RGS6: variants seen among roughly 807,000 people sequenced by gnomAD.
RGS6 encodes regulator of G protein signaling 6.
A neutral mutation model predicts 78.5 loss-of-function variants in RGS6; 30 were observed. The observed-to-expected ratio is 0.38, with a 90% CI of 0.29 to 0.52. The LOEUF is 0.52. Ranked by LOEUF, RGS6 falls within the 20% of genes least tolerant of loss-of-function variation. The pLI is 0.85. For missense variants in RGS6, 495 were observed against 609.7 expected (o/e 0.81, Z 1.98); for synonymous variants, 206 against 206.0 (o/e 1.00, Z 0.00).
chr14:72,257,459 C>G (rs1033706917), intron 2 of RGS6, among the ~76,000 whole-genome samples: 1 of 152,054 alleles, frequency 6.6e-6, no homozygotes, highest in Non-Finnish European at 1.5e-5. Flanking sequence ...TTGGGTTTCT[C>G]TAAGTATAAG....
chr14:72,198,799 A>G (rs1433401548), intron 2 of RGS6, among the ~76,000 whole-genome samples: 1 of 152,268 alleles, frequency 6.6e-6, no homozygotes, highest in Non-Finnish European at 1.5e-5. Flanking sequence ...ACAAATGACC[A>G]GTGTGGTAGA....
intron 2 of RGS6, among the ~76,000 whole-genome samples, chr14:72,342,573 A>T (rs542778455): frequency 6.6e-6 from 1 of 150,562 alleles, no homozygotes; most frequent in Non-Finnish European, 1.5e-5. Context: ...CTTAAAAAAA[A>T]AAAAAAACTA....
At chr14:71,969,697 A>G (rs1218911539) in intron 2 of RGS6, among the ~76,000 whole-genome samples, 1 of 152,224 alleles carries the variant, frequency 6.6e-6, no homozygotes, top group Non-Finnish European at 1.5e-5. Flanking sequence ...CATGTAAAGT[A>G]GAAAGAATTA....
At chr14:71,969,195 G>A (rs1327643629) in intron 2 of RGS6, among the ~76,000 whole-genome samples, 1 of 152,174 alleles carries the variant, frequency 6.6e-6, no homozygotes, top group Non-Finnish European at 1.5e-5. Context: ...TGGTGTATAT[G>A]TGCCACATTT....
intron 6 of RGS6, among the ~76,000 whole-genome samples, chr14:72,461,697 C>T (rs1009051389): frequency 1.5e-4 from 23 of 152,132 alleles, no homozygotes; most frequent in African/African-American, 5.3e-4. Flanking sequence ...GTCTCTAAAA[C>T]AAAGAAAAAC....
intron 2 of RGS6, among the ~76,000 whole-genome samples, chr14:72,299,211 A>G (rs1595501400): frequency 6.6e-6 from 1 of 152,198 alleles, no homozygotes; most frequent in South Asian, 2.1e-4. Flanking sequence ...TTAGCTATAC[A>G]GCTAATTTTA....
chr14:72,077,703 C>T (rs530246880), intron 2 of RGS6, among the ~76,000 whole-genome samples: 1 of 152,186 alleles, frequency 6.6e-6, no homozygotes, highest in South Asian at 2.1e-4. Flanking sequence ...AACAAGCACA[C>T]CTATTCTGCC....
intron 3 of RGS6, among the ~76,000 whole-genome samples, chr14:72,383,016 G>A (rs2086613492): frequency 6.6e-6 from 1 of 151,432 alleles, no homozygotes; most frequent in African/African-American, 2.4e-5. Flanking sequence ...TACTCATAAT[G>A]TTTTCTTCTT....
intron 2 of RGS6, among the ~76,000 whole-genome samples, chr14:72,060,117 G>A (rs762901424): frequency 3.9e-5 from 6 of 152,134 alleles, no homozygotes; most frequent in African/African-American, 1.2e-4. Context: ...GAGATGTCGG[G>A]CCAGGGACTC....
Position 72,371,127 on chromosome 14 carries a change from C to T in RGS6, c.184+18933C>T, listed in dbSNP as rs1035080214. 2.6e-5 allele frequency among the ~76,000 whole-genome samples: 4 copies of T among 152,176 alleles called. No individual in the cohort carries two copies. The East Asian group carries it at 7.7e-4, about 29-fold the overall frequency. On this transcript the variant is annotated intron_variant, in intron 3 of 17. Transcript: ENST00000553525. ...TAAATATTGATTATGCTGTGGTTGC[C>T]TTAACAAATGTAACTTCACTGTAAC...
chr14:72,600,928 G>A, the RGS6 span, among the ~76,000 whole-genome samples: 581 of 151,826 alleles, frequency 3.8e-3, 2 homozygotes, highest in African/African-American at 0.013. Context: ...CTGCAGCTGC[G>A]GGAAAGAGGC....
At chr14:72,129,088 T>C (rs945408094) in intron 2 of RGS6, among the ~76,000 whole-genome samples, 12 of 152,212 alleles carry the variant, frequency 7.9e-5, no homozygotes, top group Admixed American at 6.5e-4. Flanking sequence ...CTTTGGGCTT[T>C]CTTTTAGAGT....
At chr14:72,224,025 ATT>A (rs1413407751) in intron 2 of RGS6, among the ~76,000 whole-genome samples, 3 of 152,226 alleles carry the variant, frequency 2.0e-5, no homozygotes, top group African/African-American at 7.2e-5. Flanking sequence ...GTAGTAAAGT[ATT>A]GAGAAACCAT....
At chr14:72,470,652 G>GC (rs1272530542) in intron 8 of RGS6, among the ~76,000 whole-genome samples, 4 of 151,738 alleles carry the variant, frequency 2.6e-5, no homozygotes, top group Admixed American at 6.6e-5. Flanking sequence ...CCGAGGTGGG[G>GC]GTGGATCACC....
At chr14:71,985,179 A>G (rs1204031520) in intron 2 of RGS6, among the ~76,000 whole-genome samples, 1 of 152,184 alleles carries the variant, frequency 6.6e-6, no homozygotes, top group African/African-American at 2.4e-5. Flanking sequence ...GCTGGAGTGC[A>G]GTGGTGTGAT....
chr14:72,432,850 A>AAT (rs1283572211), intron 3 of RGS6, among the ~76,000 whole-genome samples: 24 of 152,312 alleles, frequency 1.6e-4, no homozygotes, highest in African/African-American at 5.5e-4. Flanking sequence ...AGCAGAAGGA[A>AAT]ATATTTAGTC....
chr14:71,877,613 G>A, the RGS6 span, among the ~76,000 whole-genome samples: 1 of 152,114 alleles, frequency 6.6e-6, no homozygotes, highest in Non-Finnish European at 1.5e-5. Flanking sequence ...TCTTTGCCAT[G>A]GGTTTGAACA....
intron 2 of RGS6, among the ~76,000 whole-genome samples, chr14:72,129,628 G>C (rs142861003): frequency 4.6e-3 from 701 of 152,222 alleles, no homozygotes; most frequent in Non-Finnish European, 8.4e-3. Context: ...TTGACTACAG[G>C]GATGTTGGGC....
chr14:72,554,007 C>T (rs1277594124), intron 17 of RGS6, among the ~76,000 whole-genome samples: 1 of 152,240 alleles, frequency 6.6e-6, no homozygotes, highest in Non-Finnish European at 1.5e-5. Flanking sequence ...CCAGGTATCT[C>T]CTGAAAACGC....
Sources: gnomAD v4.1 joint callset for allele counts (sites outside exome capture counted in the v4.1 genomes callset) on GRCh38, gnomAD v4.1.1 for gene constraint, MANE v1.5 for transcripts, NCBI Gene and HGNC (gene_info 2026-07-23, HGNC 2026-07-21) for gene names.